Variants in SP140 observed in about 807,000 individuals in gnomAD.
SP140 encodes nuclear body protein SP140.
In SP140, 81 loss-of-function variants were observed where a neutral mutation model predicts 125.0. That is an observed-to-expected ratio of 0.65 (90% confidence interval 0.54 to 0.78). SP140 has a LOEUF of 0.78. SP140 is among the 30% of genes least tolerant of loss of function. The pLI is 0.00. For synonymous variants in SP140, 312 were observed against 354.0 expected (o/e 0.88, Z 1.33); for missense variants, 858 against 1,037.0 (o/e 0.83, Z 2.37).
chr2:230,266,796 G>A (rs1287241252), intron 12 of SP140, among the ~76,000 whole-genome samples: 1 of 152,118 alleles, frequency 6.6e-6, no homozygotes, highest in African/African-American at 2.4e-5. Context: ...CCTCCATCTT[G>A]AAGCCAGCAA....
intron 10 of SP140, among the ~76,000 whole-genome samples, chr2:230,253,013 G>A (rs2050604629): frequency 6.6e-6 from 1 of 152,000 alleles, no homozygotes; most frequent in Admixed American, 6.6e-5. Flanking sequence ...TAGAATAAGA[G>A]CTAAAGAAAT....
chr2:230,292,813 C>T (rs761946130), intron 20 of SP140, 25 bp downstream of exon 20: 1 of 1,612,644 alleles, frequency 6.2e-7, no homozygotes, highest in Non-Finnish European at 8.5e-7. Flanking sequence ...AGGGGCCAGG[C>T]CTGTGTTCCT....
In SP140 at chr2:230,312,618, G is replaced by T. The variant is rs1215515780; in HGVS notation, c.2538G>T (p.Leu846=). 6.2e-7 allele frequency: 1 copy of T among 1,612,420 alleles called. No individual in the cohort carries two copies. Among genetic ancestry groups the T allele is most frequent in the Non-Finnish European group, 8.5e-7 (1 of 1,179,016 alleles). ...YKDFGQMGFR[L]EAEFEKNFKE... ...ATTTTGGCCAAATGGGATTTAGACT[G>T]GAGGCTGAGTTTGAGAAGAATTTCA... is the stretch of plus-strand genomic sequence containing the variant. The change falls in exon 27 of 27, where the codon CTG becomes CTT. Residue 846 remains leucine, a synonymous_variant. Coordinates refer to ENST00000392045, the MANE Select transcript of SP140 (RefSeq NM_007237.5).
chr2:230,192,443 G>T, the SP140 span, among the ~76,000 whole-genome samples: 69 of 152,264 alleles, frequency 4.5e-4, no homozygotes, highest in East Asian at 0.011. Context: ...AAAGTCTCAG[G>T]ATACAAAATC....
At position 230,245,147 on chromosome 2, in the gene SP140, T is replaced by G. The variant is rs564822935; in HGVS notation, c.664+67T>G. The G allele has an allele frequency of 3.7e-5, 38 of 1,028,972 alleles. No individual in the cohort carries two copies. The African/African-American group carries it at 5.3e-4, about 14-fold the overall frequency. The allele number at this position is 1,028,972 out of a possible 1,614,324, so 63.7% of individuals were successfully genotyped here. A position where few individuals can be genotyped will look rare whatever the true frequency, so the allele number is the denominator to read the frequency against. The stretch of plus-strand genomic sequence containing the variant: ...TGGCCTATCTCTATGCAACCAACAC[T>G]TCCTTCTCTCTCCACCACCAACCCT... On this transcript the variant is annotated intron_variant, in intron 6 of 26. Transcript: ENST00000392045.
chr2:230,233,053 T>C (rs1309116309), intron 1 of SP140, among the ~76,000 whole-genome samples: 1 of 152,210 alleles, frequency 6.6e-6, no homozygotes. Flanking sequence ...TAGCTTAATC[T>C]GTTTTAAATA....
chr2:230,247,157 T>C (rs1406544234), intron 7 of SP140, among the ~76,000 whole-genome samples: 1 of 152,194 alleles, frequency 6.6e-6, no homozygotes, highest in African/African-American at 2.4e-5. Flanking sequence ...AAAACACATA[T>C]GTCCAGATTT....
upstream of SP140, among the ~76,000 whole-genome samples, chr2:230,201,962 G>A (rs542483677): frequency 8.5e-5 from 13 of 152,158 alleles, no homozygotes; most frequent in Non-Finnish European, 1.3e-4. Flanking sequence ...CTAGATATCT[G>A]TGTAAGGCCA....
At chr2:230,234,158 A>G (rs1418175916) in intron 1 of SP140, among the ~76,000 whole-genome samples, 1 of 152,240 alleles carries the variant, frequency 6.6e-6, no homozygotes, top group Non-Finnish European at 1.5e-5. Flanking sequence ...AAAATGGAGT[A>G]GGGTGATCTA....
At chr2:230,300,468 C>T (rs999593791) in intron 22 of SP140, among the ~76,000 whole-genome samples, 1 of 152,188 alleles carries the variant, frequency 6.6e-6, no homozygotes, top group Non-Finnish European at 1.5e-5. Context: ...AGACAGATCA[C>T]ATCACAGGAC....
At chr2:230,227,628 A>C (rs2046648894) in intron 1 of SP140, among the ~76,000 whole-genome samples, 1 of 152,236 alleles carries the variant, frequency 6.6e-6, no homozygotes, top group African/African-American at 2.4e-5. Context: ...GCCTATTCAG[A>C]CAACCTATCT....
In SP140 at chr2:230,291,121, T is replaced by TA. The variant is rs560727713; in HGVS notation, c.1825+561dup. Among the ~76,000 whole-genome samples the TA allele has an allele frequency of 5.9e-3, 893 of 152,370 alleles. 7 individuals are homozygous for TA. The highest frequency in any genetic ancestry group is 8.2e-3 in the Non-Finnish European group (556 of 68,038). ...GTGAGAATTAATTTGCATATTGATG[T>TA]AAAATATGTAAATTTACATGTTTTT... On this transcript the variant is annotated intron_variant, in intron 19 of 26. Transcript: ENST00000392045.
intron 3 of SP140, among the ~76,000 whole-genome samples, chr2:230,214,401 G>A (rs758107259): frequency 6.6e-6 from 1 of 152,138 alleles, no homozygotes; most frequent in Non-Finnish European, 1.5e-5. Flanking sequence ...ACCCAAGTAG[G>A]ACTCTTGCTC....
intron 12 of SP140, among the ~76,000 whole-genome samples, chr2:230,267,145 A>G (rs2053244277): frequency 1.3e-5 from 2 of 152,248 alleles, no homozygotes; most frequent in African/African-American, 2.4e-5. Flanking sequence ...AACAAAGCTG[A>G]ACATAAATAT....
At chr2:230,277,312 G>A (rs2054863532) in intron 15 of SP140, among the ~76,000 whole-genome samples, 1 of 152,120 alleles carries the variant, frequency 6.6e-6, no homozygotes, top group African/African-American at 2.4e-5. Context: ...CACCAGCAAA[G>A]AGATTATGAC....
chr2:230,288,644 C>T (rs950483569), intron 18 of SP140, among the ~76,000 whole-genome samples: 3 of 151,970 alleles, frequency 2.0e-5, no homozygotes, highest in Admixed American at 6.6e-5. Flanking sequence ...CGACAGGCCC[C>T]GGTGTGTGAT....
chr2:230,311,832 C>CA (rs1377329281), intron 26 of SP140, among the ~76,000 whole-genome samples: 26 of 152,202 alleles, frequency 1.7e-4, no homozygotes, highest in Non-Finnish European at 2.9e-5. Context: ...CCACCTGCCC[C>CA]AGAGGAGACA....
At chr2:230,189,487 T>C in the SP140 span, among the ~76,000 whole-genome samples, 1 of 152,368 alleles carries the variant, frequency 6.6e-6, no homozygotes, top group East Asian at 1.9e-4. Flanking sequence ...TTATTTGTTA[T>C]GGTTTTGAAA....
intron 1 of SP140, 92 bp downstream of exon 1, chr2:230,225,995 C>T: frequency 3.2e-6 from 3 of 940,902 alleles, no homozygotes; most frequent in Non-Finnish European, 3.3e-6. Flanking sequence ...CTTCACTCTA[C>T]AGGTATACAA....
Sources: allele counts gnomAD v4.1 joint callset (sites outside exome capture counted in the v4.1 genomes callset), GRCh38; gene constraint gnomAD v4.1.1; transcripts MANE v1.5; gene names NCBI Gene and HGNC (gene_info 2026-07-23, HGNC 2026-07-21).